Variants in SUGP1 observed in about 807,000 individuals in gnomAD.
The protein encoded by SUGP1 is SURP and G-patch domain-containing protein 1.
SUGP1 carries 34 observed loss-of-function variants against 76.5 expected under a neutral mutation model. The observed-to-expected ratio is 0.44, with a 90% CI of 0.34 to 0.59. SUGP1 has a LOEUF of 0.59. Among genes scored for constraint, SUGP1 ranks in the 20% least tolerant of loss-of-function variants. The pLI is 0.01. For synonymous variants in SUGP1, 326 were observed against 326.2 expected (o/e 1.00, Z 0.01); for missense variants, 752 against 851.7 (o/e 0.88, Z 1.46).
chr19:19,298,877 A>G (rs774735794), intron 7 of SUGP1, among the ~76,000 whole-genome samples: 3 of 151,822 alleles, frequency 2.0e-5, no homozygotes, highest in Non-Finnish European at 2.9e-5. Context: ...CTTCACCCTG[A>G]GTGTCCTCCA....
At chr19:19,283,778 G>T (rs2061118777) in intron 8 of SUGP1, among the ~76,000 whole-genome samples, 1 of 151,936 alleles carries the variant, frequency 6.6e-6, no homozygotes, top group Admixed American at 6.6e-5. Context: ...AGTAGAGACA[G>T]GGTTTCACCA....
chr19:19,314,927 G>C (rs745942293), intron 2 of SUGP1, among the ~76,000 whole-genome samples: 5 of 152,200 alleles, frequency 3.3e-5, no homozygotes, highest in Non-Finnish European at 7.3e-5. Context: ...CCAGCTACTT[G>C]GGAGGCTGAG....
At chr19:19,294,390 G>T (rs2061208563) in intron 8 of SUGP1, among the ~76,000 whole-genome samples, 1 of 151,458 alleles carries the variant, frequency 6.6e-6, no homozygotes, top group Non-Finnish European at 1.5e-5. Context: ...CAGGTGTGCT[G>T]GCATGCACTT....
chr19:19,303,926 C>A, intron 4 of SUGP1, 79 bp from the exon 5 acceptor site: 1 of 1,605,580 alleles, frequency 6.2e-7, no homozygotes, highest in Non-Finnish European at 8.5e-7. Flanking sequence ...TGGACCACAA[C>A]GACAGAGGGG....
chr19:19,308,869 AT>A (rs34260128), intron 3 of SUGP1, among the ~76,000 whole-genome samples: 62,235 of 147,380 alleles, frequency 0.42, 14,128 homozygotes, highest in African/African-American at 0.62. Flanking sequence ...CCCCTTGGTA[AT>A]TTTTTTTTTT....
intron 2 of SUGP1, among the ~76,000 whole-genome samples, 165 bp from the exon 3 acceptor site, chr19:19,310,365 G>C (rs903177802): frequency 2.6e-5 from 4 of 152,216 alleles, no homozygotes; most frequent in African/African-American, 7.2e-5. Flanking sequence ...GAGATTTCAA[G>C]AGACTACTGC....
At chr19:19,303,519 T>C in intron 5 of SUGP1, 71 bp from the exon 6 acceptor site, 2 of 1,475,144 alleles carry the variant, frequency 1.4e-6, no homozygotes, top group Non-Finnish European at 1.9e-6. Context: ...CTGCAGCTTC[T>C]ATCGTGCAAA....
intron 8 of SUGP1, among the ~76,000 whole-genome samples, chr19:19,290,616 C>T (rs867777441): frequency 1.3e-5 from 2 of 151,844 alleles, no homozygotes; most frequent in Middle Eastern, 3.4e-3. Flanking sequence ...TGCACTCCAG[C>T]CCGGATAAAA....
intron 1 of SUGP1, among the ~76,000 whole-genome samples, chr19:19,316,907 G>A (rs2061398230): frequency 6.6e-6 from 1 of 152,132 alleles, no homozygotes; most frequent in Non-Finnish European, 1.5e-5. Flanking sequence ...GGAGGCAGGG[G>A]CAGGCGGATC....
rs771817670 is a variant in SUGP1, at chr19:19,316,492, T to C, written c.136A>G (p.Ile46Val). The C allele has an allele frequency of 3.7e-6, 6 of 1,613,814 alleles. No individual in the cohort carries two copies. The highest frequency in any genetic ancestry group is 5.1e-6 in the Non-Finnish European group (6 of 1,180,036). ...GCTTTCTGTTCCATTTTGGCTTCAA[T>C]TTCCCGTTTCTTCTGAGCGATGAGC... ...EELIAQKKRE[I>V]EAKMEQKAKQ... The change falls in exon 2 of 14, where the codon ATT (isoleucine) becomes GTT (valine). Residue 46 changes from isoleucine (I) to valine (V), a missense_variant. Physicochemically the swap from Ile to Val is conservative, Grantham distance 29. This residue lies in a region of SUGP1 where 620 missense variants were observed against 617.3 expected (regional missense o/e 1.00). Transcript: ENST00000247001.
Position 19,276,164 on chromosome 19 carries a change from G to C in SUGP1, c.*484C>G, listed in dbSNP as rs984009886. 4 of 158,988 alleles carry C rather than the reference G, an allele frequency of 2.5e-5. No individual in the cohort carries two copies. The highest frequency in any genetic ancestry group is 4.2e-5 in the Non-Finnish European group (3 of 71,898). 9.8% of individuals were successfully genotyped at this position (158,988 alleles called of 1,614,324 possible). Reference sequence around the variant, plus strand: ...CTTCCCAGGTTCAAGCCATTCTCCTGCCTCTGCCTCCCGAGTAGCTGAGAC... The same window carrying C: ...CTTCCCAGGTTCAAGCCATTCTCCTCCCTCTGCCTCCCGAGTAGCTGAGAC... On this transcript the variant is annotated 3_prime_UTR_variant, in exon 14 of 14. Transcript: ENST00000247001.
chr19:19,280,154 T>A (rs903696437), intron 9 of SUGP1, 31 bp downstream of exon 9: 2 of 1,602,328 alleles, frequency 1.2e-6, no homozygotes, highest in Non-Finnish European at 1.7e-6. Context: ...GCGCCGACCA[T>A]GTCCCCGTCC....
intron 8 of SUGP1, among the ~76,000 whole-genome samples, chr19:19,284,206 A>T (rs2061122098): frequency 6.6e-6 from 1 of 152,192 alleles, no homozygotes; most frequent in South Asian, 2.1e-4. Context: ...GAGGCAGGAG[A>T]ATCGCTTGAA....
chr19:19,310,182 G>T lies in SUGP1; in HGVS notation c.225C>A (p.Asn75Lys). ...CAAACTTGTTGGAAATGCAGGAAGA[G>T]TTGTGTGCATTTGTGATTCTAGAAC... ...PHPGEITNAH[N>K]SSCISNKFAN... Residue 75 changes from asparagine (N) to lysine (K), a missense_variant, in exon 3 of 14, where the codon AAC (asparagine) becomes AAA (lysine). This residue lies in a region of SUGP1 where 620 missense variants were observed against 617.3 expected (regional missense o/e 1.00). Transcript: ENST00000247001. 1.2e-6 allele frequency: 2 copies of T among 1,613,562 alleles called. No individual in the cohort carries two copies. The highest frequency in any genetic ancestry group is 1.7e-5 in the Admixed American group (1 of 60,016).
At chr19:19,303,987 C>G in intron 4 of SUGP1, 140 bp from the exon 5 acceptor site, 1 of 1,595,392 alleles carries the variant, frequency 6.3e-7, no homozygotes, top group Non-Finnish European at 8.5e-7. Context: ...GTCCCGAGTC[C>G]AGGCACAAAA....
At position 19,296,997 on chromosome 19, in the gene SUGP1, G is replaced by A. The variant is rs1206621706; in HGVS notation, c.1235C>T (p.Pro412Leu). Residue 412 changes from proline to leucine, a missense_variant, in exon 8 of 14, where the codon CCT becomes CTT. Pro to Leu is a moderately conservative substitution (Grantham distance 98). This residue lies in a region of SUGP1 where 620 missense variants were observed against 617.3 expected (regional missense o/e 1.00). Transcript: ENST00000247001. The stretch of plus-strand genomic sequence containing the variant: ...GGAGAGGGTCTGCCCACCTGACAGA[G>A]GCGAGGGAGAGGCATCCACGTCCCT... The part of the protein sequence containing the change: ...VQRDVDASPS[P>L]LSVQDLKGLG... 1.3e-6 allele frequency: 2 copies of A among 1,577,614 alleles called. No homozygotes were observed. The highest frequency in any genetic ancestry group is 2.3e-5 in the East Asian group (1 of 44,194).
chr19:19,306,297 T>C (rs2146620097), intron 3 of SUGP1, among the ~76,000 whole-genome samples: 1 of 152,088 alleles, frequency 6.6e-6, no homozygotes, highest in South Asian at 2.1e-4. Context: ...AGCCTGGGGC[T>C]CTGAAGTGGG....
intron 3 of SUGP1, 135 bp downstream of exon 3, chr19:19,309,962 G>A (rs569410760): frequency 8.4e-6 from 5 of 592,078 alleles, no homozygotes; most frequent in Admixed American, 2.7e-5. Context: ...TTTGGTGCAC[G>A]CATGGGTGGA....
intron 7 of SUGP1, chr19:19,301,949 C>G: frequency 2.8e-6 from 1 of 360,558 alleles, no homozygotes; most frequent in Non-Finnish European, 5.1e-6. Flanking sequence ...CCTGACTTGC[C>G]CCCGGCCAAG....
Sources: allele counts gnomAD v4.1 joint callset (sites outside exome capture counted in the v4.1 genomes callset), GRCh38; gene constraint gnomAD v4.1.1; regional missense constraint gnomAD v4.1.1; transcripts MANE v1.5; gene names NCBI Gene and HGNC (gene_info 2026-07-23, HGNC 2026-07-21).